TWSG1: variants seen among roughly 807,000 people sequenced by gnomAD.
TWSG1 encodes the protein twisted gastrulation protein homolog 1.
In TWSG1, 15 loss-of-function variants were observed where a neutral mutation model predicts 23.0. The observed-to-expected ratio is 0.65, with a 90% CI of 0.44 to 1.00. The LOEUF is 1.00. Among genes scored for constraint, TWSG1 ranks in the 50% least tolerant of loss-of-function variants. The pLI, the probability that TWSG1 is intolerant of heterozygous loss-of-function variation, is 0.00. For missense variants in TWSG1, 242 were observed against 278.7 expected (o/e 0.87, Z 0.94); for synonymous variants, 86 against 92.8 (o/e 0.93, Z 0.42).
intron 2 of TWSG1, among the ~76,000 whole-genome samples, chr18:9,343,917 T>A (rs1268640839): frequency 6.6e-6 from 1 of 152,236 alleles, no homozygotes; most frequent in African/African-American, 2.4e-5. Context: ...AGAGATAAAC[T>A]GTGTTACACA....
intron 3 of TWSG1, among the ~76,000 whole-genome samples, chr18:9,395,576 A>G (rs1396809866): frequency 1.3e-5 from 2 of 151,846 alleles, no homozygotes; most frequent in East Asian, 3.9e-4. Context: ...ATCCATGTTT[A>G]TTGATTGATT....
chr18:9,394,974 C>T (rs957070304), intron 3 of TWSG1, among the ~76,000 whole-genome samples: 1 of 152,154 alleles, frequency 6.6e-6, no homozygotes, highest in African/African-American at 2.4e-5. Context: ...ATCCACAAAC[C>T]CCATTCAGTG....
chr18:9,389,723 TAACTTTTTAAACTTTTAATCTGAGG>T (rs1436088903), intron 3 of TWSG1, among the ~76,000 whole-genome samples: 2 of 152,238 alleles, frequency 1.3e-5, no homozygotes. Context: ...AAATTTGGTT[TAACTTTTTAAACTTTTAATCTGAGG>T]AAGAAGTGAA....
At chr18:9,396,147 C>CAAAAA (rs58754446) in intron 3 of TWSG1, 133 bp from the exon 4 acceptor site, 7 of 474,262 alleles carry the variant, frequency 1.5e-5, no homozygotes, top group African/African-American at 5.8e-5. Context: ...GCTCACCCAG[C>CAAAAA]AAAAAAAAAA....
At chr18:9,380,913 C>G (rs574558888) in intron 3 of TWSG1, among the ~76,000 whole-genome samples, 4 of 151,418 alleles carry the variant, frequency 2.6e-5, no homozygotes, top group Non-Finnish European at 5.9e-5. Flanking sequence ...CATTATTTTT[C>G]TCAGCAGTGT....
intron 2 of TWSG1, among the ~76,000 whole-genome samples, chr18:9,356,039 G>A (rs1268620216): frequency 6.6e-6 from 1 of 152,122 alleles, no homozygotes; most frequent in Non-Finnish European, 1.5e-5. Context: ...TTGTTGTTTG[G>A]TGTCCAACAA....
Position 9,400,069 on chromosome 18 carries a change from A to C in TWSG1, c.*542A>C, listed in dbSNP as rs989729591. On this transcript the variant is annotated 3_prime_UTR_variant, in exon 5 of 5. Coordinates refer to ENST00000262120, the MANE Select transcript of TWSG1 (RefSeq NM_020648.6). ...TAAAAAGCTTAATTTCATCCCTTTT[A>C]TGTTGGTTTTAAAAGGTAAATGCTT... is the stretch of plus-strand genomic sequence containing the variant. The C allele has an allele frequency of 6.6e-6, 1 of 152,458 alleles. No individual in the cohort carries two copies. Among genetic ancestry groups the C allele is most frequent in the Non-Finnish European group, 1.5e-5 (1 of 68,128 alleles). The allele number at this position is 152,458 out of a possible 1,614,324, so 9.4% of individuals were successfully genotyped here.
At chr18:9,386,563 G>T (rs1329945339) in intron 3 of TWSG1, among the ~76,000 whole-genome samples, 2 of 151,184 alleles carry the variant, frequency 1.3e-5, no homozygotes, top group Non-Finnish European at 2.9e-5. Context: ...GAAAGAATAG[G>T]CACTCCAGAA....
intron 2 of TWSG1, among the ~76,000 whole-genome samples, chr18:9,351,628 T>G (rs1352003170): frequency 2.0e-5 from 3 of 151,312 alleles, no homozygotes; most frequent in South Asian, 4.2e-4. Flanking sequence ...CTGGGTTTTT[T>G]TTTTTTTTTT....
chr18:9,340,660 T>C (rs1418053957), intron 2 of TWSG1, among the ~76,000 whole-genome samples: 1 of 151,972 alleles, frequency 6.6e-6, no homozygotes, highest in Non-Finnish European at 1.5e-5. Flanking sequence ...TGCGGAAGAG[T>C]TCATCTCTGT....
intron 3 of TWSG1, among the ~76,000 whole-genome samples, chr18:9,367,494 C>A (rs554440226): frequency 6.6e-6 from 1 of 152,194 alleles, no homozygotes; most frequent in South Asian, 2.1e-4. Flanking sequence ...CCAGGTTCAT[C>A]CATGTTGTAA....
At chr18:9,384,302 C>A (rs993155426) in intron 3 of TWSG1, among the ~76,000 whole-genome samples, 1 of 152,166 alleles carries the variant, frequency 6.6e-6, no homozygotes, top group Non-Finnish European at 1.5e-5. Flanking sequence ...GGGAAGATGA[C>A]TGAGACAGTT....
chr18:9,384,558 T>C (rs1308803759), intron 3 of TWSG1, among the ~76,000 whole-genome samples: 1 of 151,542 alleles, frequency 6.6e-6, no homozygotes, highest in African/African-American at 2.4e-5. Flanking sequence ...GAAATAACTC[T>C]AAAAACAAAG....
chr18:9,389,314 A>G (rs1351366349), intron 3 of TWSG1, among the ~76,000 whole-genome samples: 1 of 152,168 alleles, frequency 6.6e-6, no homozygotes, highest in Non-Finnish European at 1.5e-5. Context: ...AGACTATATT[A>G]TGTATAGTTG....
At chr18:9,352,038 T>C (rs1239000228) in intron 2 of TWSG1, among the ~76,000 whole-genome samples, 5 of 152,200 alleles carry the variant, frequency 3.3e-5, no homozygotes, top group Admixed American at 2.6e-4. Flanking sequence ...ATATTTTTCA[T>C]CACCCTAAAG....
rs774280277 is a variant in TWSG1, at chr18:9,396,260, T to C, written c.224-20T>C. The C allele has an allele frequency of 2.6e-5, 42 of 1,609,920 alleles. No individual in the cohort carries two copies. Among genetic ancestry groups the C allele is most frequent in the South Asian group, 1.5e-4 (14 of 90,720 alleles). ...CAAGGCAGTAACTAACAAAATCTTA[T>C]GATATTACCCCCAACCCAGGTATGT... On this transcript the variant is annotated intron_variant, in intron 3 of 4. Coordinates refer to ENST00000262120, the MANE Select transcript of TWSG1 (RefSeq NM_020648.6).
At chr18:9,388,579 C>T (rs2040696362) in intron 3 of TWSG1, among the ~76,000 whole-genome samples, 1 of 152,206 alleles carries the variant, frequency 6.6e-6, no homozygotes, top group Non-Finnish European at 1.5e-5. Context: ...AACAGCAAAT[C>T]AGGGACATCA....
rs907236920 is a variant in TWSG1, at chr18:9,343,295, C to T, written c.123+5943C>T. Among the ~76,000 whole-genome samples the T allele has an allele frequency of 9.4e-5, 12 of 127,346 alleles. 1 individual carries two copies. The highest frequency in any genetic ancestry group is 1.7e-4 in the African/African-American group (6 of 34,484). The allele number at this position is 127,346 out of a possible 152,430, so 83.5% of individuals were successfully genotyped here. On this transcript the variant is annotated intron_variant, in intron 2 of 4. Coordinates refer to ENST00000262120, the MANE Select transcript of TWSG1 (RefSeq NM_020648.6). ...AACATACATACATATATAATATATA[C>T]GTTTTATATAACTATATTTTTGTAT...
intron 3 of TWSG1, among the ~76,000 whole-genome samples, chr18:9,377,982 G>A (rs950851417): frequency 6.6e-6 from 1 of 152,408 alleles, no homozygotes; most frequent in East Asian, 1.9e-4. Flanking sequence ...GCCTCCCAAA[G>A]TGCTGGGATT....
Sources: allele counts gnomAD v4.1 joint callset (sites outside exome capture counted in the v4.1 genomes callset), GRCh38; gene constraint gnomAD v4.1.1; transcripts MANE v1.5; gene names NCBI Gene and HGNC (gene_info 2026-07-23, HGNC 2026-07-21).